ANO1: variants seen among roughly 807,000 people sequenced by gnomAD.
The protein encoded by ANO1 is anoctamin-1.
ANO1 carries 59 observed loss-of-function variants against 124.0 expected under a neutral mutation model. That is an observed-to-expected ratio of 0.48 (90% confidence interval 0.39 to 0.59). ANO1 has a LOEUF of 0.59. ANO1 is among the 20% of genes least tolerant of loss of function. The pLI, the probability that ANO1 is intolerant of heterozygous loss-of-function variation, is 0.00. For synonymous variants in ANO1, 529 were observed against 532.0 expected, an observed-to-expected ratio of 0.99 and a Z score of 0.08; for missense variants, 1,059 against 1,328.0, an observed-to-expected ratio of 0.80 and a Z score of 3.15.
intron 1 of ANO1, among the ~76,000 whole-genome samples, chr11:70,001,960 A>G (rs1379611335): frequency 6.6e-6 from 1 of 151,922 alleles, no homozygotes; most frequent in African/African-American, 2.4e-5. Flanking sequence ...CCACCACACC[A>G]TTTTGGAAGG....
Position 70,108,361 on chromosome 11 carries a change from G to C in ANO1, c.756G>C (p.Glu252Asp), listed in dbSNP as rs1240139556. The C allele has an allele frequency of 1.2e-6, 2 of 1,612,090 alleles. No homozygotes were observed. The highest frequency in any genetic ancestry group is 2.2e-5 in the South Asian group (2 of 90,894). Residue 252 changes from glutamate to aspartate, a missense_variant, in exon 6 of 26, where the codon GAG becomes GAC. Glu to Asp is a conservative substitution (Grantham distance 45, BLOSUM62 2). This residue lies in a region of ANO1 where 809 missense variants were observed against 1,094.9 expected (regional missense o/e 0.74). Coordinates refer to ENST00000355303, the MANE Select transcript of ANO1 (RefSeq NM_018043.7). ...TCTTGTCTCTGCAATAGGTCTATGA[G>C]ATCTTGAAGAGAACGACGTGTACAA... ...DSKTRSTIVY[E>D]ILKRTTCTKA...
At chr11:70,081,457 T>C (rs2044197820) in intron 1 of ANO1, among the ~76,000 whole-genome samples, 1 of 152,204 alleles carries the variant, frequency 6.6e-6, no homozygotes, top group Non-Finnish European at 1.5e-5. Flanking sequence ...AGTGACCTGG[T>C]TTTAAAATTT....
chr11:70,161,023 C>A (rs1450233789), intron 16 of ANO1, 138 bp from the exon 17 acceptor site: 7 of 802,772 alleles, frequency 8.7e-6, no homozygotes, highest in Non-Finnish European at 1.3e-5. Flanking sequence ...TTGGCAGGTG[C>A]CCAAGAAATG....
intron 1 of ANO1, among the ~76,000 whole-genome samples, chr11:69,991,229 G>A (rs1554997440): frequency 6.6e-6 from 1 of 152,168 alleles, no homozygotes; most frequent in Non-Finnish European, 1.5e-5. Flanking sequence ...TTCTGTAGGG[G>A]TTTGCTTTTG....
chr11:70,069,516 G>T (rs1361863451), intron 1 of ANO1, among the ~76,000 whole-genome samples: 2 of 152,228 alleles, frequency 1.3e-5, no homozygotes, highest in Non-Finnish European at 2.9e-5. Context: ...GAGGATCTGG[G>T]CTGTGATGAG....
chr11:70,175,104 T>C (rs770961370), intron 22 of ANO1, among the ~76,000 whole-genome samples: 1 of 152,050 alleles, frequency 6.6e-6, no homozygotes, highest in Non-Finnish European at 1.5e-5. Flanking sequence ...AGTGGCTGAA[T>C]GAAGCTTGCA....
At chr11:70,182,430 T>A in intron 23 of ANO1, 72 bp from the exon 24 acceptor site, 2 of 1,312,260 alleles carry the variant, frequency 1.5e-6, no homozygotes, top group Non-Finnish European at 2.0e-6. Context: ...TGTGGATGGG[T>A]CACCCCCTGT....
chr11:69,978,105 C>T, the ANO1 span, among the ~76,000 whole-genome samples: 17 of 152,232 alleles, frequency 1.1e-4, no homozygotes, highest in African/African-American at 3.6e-4. Context: ...AACCAGAGGC[C>T]GGGACCCTGG....
intron 1 of ANO1, among the ~76,000 whole-genome samples, chr11:70,042,502 A>G (rs1430460608): frequency 6.6e-6 from 1 of 151,578 alleles, no homozygotes; most frequent in African/African-American, 2.4e-5. Context: ...ACACACACAC[A>G]TACATATACA....
intron 1 of ANO1, among the ~76,000 whole-genome samples, chr11:70,036,254 C>T (rs1857091801): frequency 6.6e-6 from 1 of 152,184 alleles, no homozygotes. Context: ...GCACATCACC[C>T]CAATCTCTGC....
At chr11:70,001,019 A>G (rs1383445452) in intron 1 of ANO1, among the ~76,000 whole-genome samples, 1 of 151,922 alleles carries the variant, frequency 6.6e-6, no homozygotes, top group Non-Finnish European at 1.5e-5. Context: ...AGGCAGATTT[A>G]CTATTAACAA....
intron 22 of ANO1, among the ~76,000 whole-genome samples, chr11:70,177,934 C>G (rs1456838002): frequency 6.6e-6 from 1 of 152,212 alleles, no homozygotes; most frequent in Non-Finnish European, 1.5e-5. Flanking sequence ...GGTTTTTAAG[C>G]ATCCGTCTGC....
In ANO1 at chr11:70,080,487, A is replaced by C. The variant is rs180747568; in HGVS notation, c.108+1773A>C. On this transcript the variant is annotated intron_variant, in intron 1 of 25. Coordinates refer to ENST00000355303, the MANE Select transcript of ANO1 (RefSeq NM_018043.7). ...GAGCCAGGGGATGGTAGTGGTGGCC[A>C]AGGTGATGGAGAAATGGATGCTCTG... Among the ~76,000 whole-genome samples, 71 of 152,324 alleles carry C rather than the reference A, an allele frequency of 4.7e-4. No homozygotes were observed. In the East Asian group the frequency reaches 0.013, roughly 27 times the overall value.
chr11:70,165,212 C>A lies in ANO1; in HGVS notation c.1951-258C>A, dbSNP rs191948277. ...TCTTCCCTCTGTGCCCGCGCCTTCT[C>A]TTTTTCTGAGGACATCAGTCCTCAG... On this transcript the variant is annotated intron_variant, in intron 19 of 25. Transcript: ENST00000355303. 17 of 495,242 alleles carry A rather than the reference C, an allele frequency of 3.4e-5. No individual in the cohort carries two copies. In the Admixed American group the frequency reaches 5.5e-4, roughly 16 times the overall value. The allele number at this position is 495,242 out of a possible 1,614,324, so 30.7% of individuals were successfully genotyped here. A position where few individuals can be genotyped will look rare whatever the true frequency, so the allele number is the denominator to read the frequency against.
intron 5 of ANO1, chr11:70,108,062 G>A (rs1471982451): frequency 2.1e-5 from 9 of 420,310 alleles, no homozygotes; most frequent in Non-Finnish European, 3.9e-5. Context: ...AGGAGGGCAC[G>A]GCAGTGCTTT....
intron 1 of ANO1, among the ~76,000 whole-genome samples, chr11:70,004,655 A>G (rs1230838414): frequency 7.2e-5 from 11 of 152,246 alleles, no homozygotes; most frequent in African/African-American, 2.7e-4. Flanking sequence ...CCCTCAAAAA[A>G]TATCGTGGAG....
chr11:70,008,361 G>T (rs782273334), intron 1 of ANO1, among the ~76,000 whole-genome samples: 13 of 152,184 alleles, frequency 8.5e-5, no homozygotes, highest in Non-Finnish European at 1.5e-4. Flanking sequence ...TCTTCTAGCA[G>T]TTCTGTATTT....
At chr11:70,041,283 A>T (rs1452839294) in intron 1 of ANO1, among the ~76,000 whole-genome samples, 2 of 152,224 alleles carry the variant, frequency 1.3e-5, no homozygotes, top group Non-Finnish European at 2.9e-5. Context: ...GTTTTCTGTG[A>T]ACCTTGACCC....
intron 17 of ANO1, 58 bp downstream of exon 17, chr11:70,161,420 C>T (rs917839254): frequency 4.5e-6 from 7 of 1,566,284 alleles, no homozygotes; most frequent in Middle Eastern, 1.7e-4. Flanking sequence ...AGTCGCCTGC[C>T]TCTTGCTGTG....
Sources: gnomAD v4.1 joint callset for allele counts (sites outside exome capture counted in the v4.1 genomes callset) on GRCh38, gnomAD v4.1.1 for gene constraint, gnomAD v4.1.1 regional missense constraint, MANE v1.5 for transcripts, NCBI Gene and HGNC (gene_info 2026-07-23, HGNC 2026-07-21) for gene names.